TMEM43: variants seen among roughly 807,000 people sequenced by gnomAD.
TMEM43 encodes arrhythmogenic right ventricular dysplasia 5.
In TMEM43, 45 loss-of-function variants were observed where a neutral mutation model predicts 49.6. That is an observed-to-expected ratio of 0.91 (90% CI 0.71 to 1.16). The LOEUF (loss-of-function observed/expected upper bound fraction) is 1.16. TMEM43 is among the 50% of genes most tolerant of loss of function. The pLI is 0.00. For synonymous variants in TMEM43, 199 were observed against 207.8 expected, an observed-to-expected ratio of 0.96 and a Z score of 0.36; for missense variants, 532 against 516.6, an observed-to-expected ratio of 1.03 and a Z score of -0.29.
chr3:14,135,115 G>C, intron 8 of TMEM43, 43 bp from the exon 9 acceptor site: 2 of 1,585,040 alleles, frequency 1.3e-6, no homozygotes, highest in Non-Finnish European at 8.6e-7. Context: ...GCCTGGGCCA[G>C]CTACTCCGTT....
In TMEM43 at chr3:14,135,178, CT is replaced by C; in HGVS notation, c.730del (p.Ser244ProfsTer5). On this transcript the variant is annotated frameshift_variant, in exon 9 of 12. Coordinates refer to ENST00000306077, the MANE Select transcript of TMEM43 (RefSeq NM_024334.3). LOFTEE classifies it high-confidence loss of function. ...CCCAGGTGGGAGACTTGCGTGTCTC[CT>C]TTTCCTATGCTGGACTGAGCGGCGA... ...YPEVGDLRVS[F>X]SYAGLSGDDP... is the part of the protein sequence containing the mutation. 1 of 1,612,710 alleles carries C rather than the reference CT, an allele frequency of 6.2e-7. No individual in the cohort carries two copies.
Position 14,139,313 on chromosome 3 carries a change from G to A in TMEM43, c.1000+16G>A, listed in dbSNP as rs377252553. 104 of 1,572,596 alleles carry A rather than the reference G, an allele frequency of 6.6e-5. No individual in the cohort carries two copies. The highest frequency in any genetic ancestry group is 8.6e-5 in the Non-Finnish European group (98 of 1,142,234). ...TACACCTTGGGTAGGTGTTGGGGTG[G>A]GTCACTGCCCTCCCTCCTGCACCCT... On this transcript the variant is annotated intron_variant, in intron 11 of 11. Coordinates refer to ENST00000306077, the MANE Select transcript of TMEM43 (RefSeq NM_024334.3).
intron 7 of TMEM43, 47 bp downstream of exon 7, chr3:14,133,856 C>G: frequency 6.4e-7 from 1 of 1,556,692 alleles, no homozygotes; most frequent in Non-Finnish European, 8.9e-7. Flanking sequence ...AAGCACAAGG[C>G]CCCCCTAGGG....
chr3:14,128,076 C>T (rs1174029947), intron 1 of TMEM43, among the ~76,000 whole-genome samples: 1 of 152,160 alleles, frequency 6.6e-6, no homozygotes, highest in Non-Finnish European at 1.5e-5. Flanking sequence ...CTTTGGTTCT[C>T]ACCACAACCC....
chr3:14,132,476 C>T (rs1695109611), intron 4 of TMEM43, 70 bp from the exon 5 acceptor site: 2 of 1,566,286 alleles, frequency 1.3e-6, no homozygotes, highest in Middle Eastern at 1.7e-4. Context: ...GCTTCCTGCT[C>T]AGATGCTTAG....
intron 3 of TMEM43, among the ~76,000 whole-genome samples, 166 bp from the exon 4 acceptor site, chr3:14,131,414 G>A (rs1297231909): frequency 3.3e-5 from 5 of 152,252 alleles, no homozygotes; most frequent in Non-Finnish European, 7.3e-5. Context: ...AAGAACCTGG[G>A]ACAGGGAGTG....
intron 10 of TMEM43, among the ~76,000 whole-genome samples, chr3:14,136,630 G>A (rs1272684093): frequency 1.3e-5 from 2 of 152,100 alleles, no homozygotes; most frequent in Admixed American, 6.5e-5. Flanking sequence ...GCCCAGTCTG[G>A]GCACGAAAGG....
At chr3:14,131,425 T>A (rs1466548278) in intron 3 of TMEM43, among the ~76,000 whole-genome samples, 155 bp from the exon 4 acceptor site, 1 of 152,238 alleles carries the variant, frequency 6.6e-6, no homozygotes, top group Non-Finnish European at 1.5e-5. Context: ...ACAGGGAGTG[T>A]CCTCGATTCT....
intron 7 of TMEM43, among the ~76,000 whole-genome samples, chr3:14,134,130 C>T (rs898169803): frequency 1.6e-4 from 24 of 152,214 alleles, no homozygotes; most frequent in African/African-American, 5.8e-4. Flanking sequence ...CTCAAGCAGA[C>T]TCCGGCTAGT....
rs892621309 is a variant in TMEM43, at chr3:14,132,679, A to G, written c.442+84A>G. 25 of 1,522,914 alleles carry G rather than the reference A, an allele frequency of 1.6e-5. No homozygotes were observed. In the Admixed American group the frequency reaches 2.7e-4, roughly 17 times the overall value. The allele number at this position is 1,522,914 out of a possible 1,614,324, so 94.3% of individuals were successfully genotyped here. A position where few individuals can be genotyped will look rare whatever the true frequency, so the allele number is the denominator to read the frequency against. ...GGACAGCAGGGCTGTTGGTGGGGCC[A>G]TGGGAAGGATTCAGCACCAGGCATC... On this transcript the variant is annotated intron_variant, in intron 5 of 11. Transcript: ENST00000306077.
intron 1 of TMEM43, among the ~76,000 whole-genome samples, chr3:14,128,573 T>C (rs962673952): frequency 6.6e-6 from 1 of 152,216 alleles, no homozygotes; most frequent in African/African-American, 2.4e-5. Context: ...CTTCTAGTAT[T>C]GTTTATGGTT....
chr3:14,137,465 A>AC (rs1227429754), intron 10 of TMEM43, among the ~76,000 whole-genome samples: 1 of 151,782 alleles, frequency 6.6e-6, no homozygotes, highest in African/African-American at 2.4e-5. Flanking sequence ...CGGCCTCCTT[A>AC]CCCCCTGGGT....
Position 14,139,285 on chromosome 3 carries a change from C to G in TMEM43, c.988C>G (p.Leu330Val). Residue 330 changes from leucine to valine, a missense_variant, in exon 11 of 12, where the codon CTC becomes GTC. Leu to Val is a conservative substitution (Grantham distance 32). Transcript: ENST00000306077. ...GGGCCTCAACCTTATGACACGGATC[C>G]TCTACACCTTGGGTAGGTGTTGGGG... ...FMGLNLMTRI[L>V]YTLVDWFPVF... The G allele has an allele frequency of 6.2e-7, 1 of 1,613,716 alleles. No homozygotes were observed. Among genetic ancestry groups the G allele is most frequent in the Non-Finnish European group, 8.5e-7 (1 of 1,179,626 alleles).
At chr3:14,138,722 A>G (rs1245671611) in intron 10 of TMEM43, among the ~76,000 whole-genome samples, 1 of 152,216 alleles carries the variant, frequency 6.6e-6, no homozygotes, top group Admixed American at 6.5e-5. Flanking sequence ...CAGCTAAAGA[A>G]TTGCAGCATC....
At chr3:14,130,732 G>A (rs1331796215) in intron 2 of TMEM43, 90 bp from the exon 3 acceptor site, 5 of 1,500,350 alleles carry the variant, frequency 3.3e-6, no homozygotes, top group Non-Finnish European at 4.5e-6. Flanking sequence ...CGCTCCCGGA[G>A]GCCCCATCCT....
chr3:14,143,269 A>G lies in TMEM43; in HGVS notation c.*1474A>G, dbSNP rs1032831807. On this transcript the variant is annotated 3_prime_UTR_variant, in exon 12 of 12. Transcript: ENST00000306077. ...TAGCAATTAAGTATTTGGTAGCTGA[A>G]TAAGGGGTCAGAACTTCTGAAACCA... The G allele has an allele frequency of 1.3e-5, 2 of 152,222 alleles. No homozygotes were observed. The highest frequency in any genetic ancestry group is 4.8e-5 in the African/African-American group (2 of 41,462). The allele number at this position is 152,222 out of a possible 1,614,324, so 9.4% of individuals were successfully genotyped here. A position where few individuals can be genotyped will look rare whatever the true frequency, so the allele number is the denominator to read the frequency against.
rs1252529536 is a variant in TMEM43, at chr3:14,141,790, G to T, written c.1198G>T (p.Glu400Ter). 6.2e-7 allele frequency: 1 copy of T among 1,613,150 alleles called. No individual in the cohort carries two copies. Among genetic ancestry groups the T allele is most frequent in the Non-Finnish European group, 8.5e-7 (1 of 1,179,986 alleles). Residue 400 changes from glutamate to a stop codon, truncating the protein, a stop_gained, in exon 12 of 12, where the codon GAG becomes TAG. Transcript: ENST00000306077. LOFTEE classifies it high-confidence loss of function. ...GACACGGGTGCCAGCCAAAAAGTTG[G>T]AGTGAAAAGACCCTGGCACCCGCCC... ...ARTRVPAKKL[E>*]
At chr3:14,133,045 G>T in intron 6 of TMEM43, 110 bp downstream of exon 6, 1 of 948,026 alleles carries the variant, frequency 1.1e-6, no homozygotes, top group Admixed American at 1.9e-5. Flanking sequence ...CTCGTGGGTT[G>T]AAAATGTGGG....
rs144260204 is a variant in TMEM43, at chr3:14,131,928, C to T, written c.392+254C>T. Among the ~76,000 whole-genome samples the T allele has an allele frequency of 7.1e-3, 1,083 of 152,322 alleles. 14 individuals carry two copies. The highest frequency in any genetic ancestry group is 0.025 in the African/African-American group (1,033 of 41,564). On this transcript the variant is annotated intron_variant, in intron 4 of 11. Transcript: ENST00000306077. The stretch of plus-strand genomic sequence containing the variant: ...CTGGGAAGTTCCAGAGATGCACAAG[C>T]TTGAAGCATGACTTGGAGCAGGCCT...
Sources: allele counts gnomAD v4.1 joint callset (sites outside exome capture counted in the v4.1 genomes callset), GRCh38; gene constraint gnomAD v4.1.1; transcripts MANE v1.5; gene names NCBI Gene and HGNC (gene_info 2026-07-23, HGNC 2026-07-21).